The following CDK14 variants were observed in gnomAD, a reference collection of about 807,000 sequenced individuals.
CDK14 encodes the protein cyclin dependent kinase 14.
A neutral mutation model predicts 60.7 loss-of-function variants in CDK14; 34 were observed. The observed-to-expected ratio is 0.56, with a 90% CI of 0.43 to 0.75. The LOEUF is 0.75. Ranked by LOEUF, CDK14 falls within the 30% of genes least tolerant of loss-of-function variation. The probability of loss-of-function intolerance (pLI) is 0.00; values close to 1 mark genes in which losing one functional copy is unlikely to be tolerated. For synonymous variants in CDK14, 197 were observed against 203.7 expected, an observed-to-expected ratio of 0.97 and a Z score of 0.28; for missense variants, 482 against 564.1, an observed-to-expected ratio of 0.85 and a Z score of 1.47.
intron 10 of CDK14, among the ~76,000 whole-genome samples, chr7:91,037,417 A>G (rs1648560070): frequency 6.6e-6 from 1 of 152,100 alleles, no homozygotes; most frequent in Non-Finnish European, 1.5e-5. Flanking sequence ...GTGCATGTGT[A>G]TGTGTGCGCG....
At chr7:90,899,228 A>G in intron 6 of CDK14, 63 bp from the exon 7 acceptor site, 1 of 1,313,268 alleles carries the variant, frequency 7.6e-7, no homozygotes, top group African/African-American at 1.5e-5. Context: ...TGAAGTAGGA[A>G]AATATTGATT....
intron 2 of CDK14, among the ~76,000 whole-genome samples, chr7:90,703,647 A>T (rs1346271695): frequency 6.6e-6 from 1 of 152,210 alleles, no homozygotes; most frequent in Non-Finnish European, 1.5e-5. Context: ...ACAAATTATT[A>T]TCCAGGATAA....
At chr7:90,785,514 T>C (rs1805538775) in intron 4 of CDK14, among the ~76,000 whole-genome samples, 1 of 152,130 alleles carries the variant, frequency 6.6e-6, no homozygotes, top group Non-Finnish European at 1.5e-5. Flanking sequence ...ATAGGCTGTT[T>C]TCTTTATTGA....
chr7:90,718,609 T>G (rs1329906304), intron 2 of CDK14, among the ~76,000 whole-genome samples: 1 of 152,158 alleles, frequency 6.6e-6, no homozygotes, highest in African/African-American at 2.4e-5. Context: ...AGGCAAGATC[T>G]TGGTTCTCAT....
chr7:90,738,100 G>C (rs1435384960), intron 3 of CDK14, among the ~76,000 whole-genome samples: 1 of 148,890 alleles, frequency 6.7e-6, no homozygotes, highest in Non-Finnish European at 1.5e-5. Context: ...CTCTATGTGG[G>C]TGAGGGTTAG....
chr7:91,092,195 T>C (rs957792587), intron 12 of CDK14, among the ~76,000 whole-genome samples: 29 of 152,144 alleles, frequency 1.9e-4, no homozygotes, highest in African/African-American at 7.0e-4. Context: ...CAGCCAGATG[T>C]AGAGTTAAAG....
intron 3 of CDK14, among the ~76,000 whole-genome samples, chr7:90,731,298 C>T (rs1374656611): frequency 3.3e-5 from 5 of 152,144 alleles, no homozygotes; most frequent in African/African-American, 1.2e-4. Context: ...ATGCCTCCAG[C>T]TTTGTTCTTT....
intron 10 of CDK14, among the ~76,000 whole-genome samples, chr7:91,028,691 T>C (rs1338623966): frequency 1.3e-5 from 2 of 152,218 alleles, no homozygotes; most frequent in Non-Finnish European, 2.9e-5. Flanking sequence ...ATGTTGAGCA[T>C]TTTTTCATAT....
At chr7:90,863,084 T>C in intron 5 of CDK14, 91 bp from the exon 6 acceptor site, 2 of 608,590 alleles carry the variant, frequency 3.3e-6, no homozygotes, top group South Asian at 4.6e-5. Context: ...AATAGATATC[T>C]CTCATCTGAC....
chr7:90,634,832 G>T (rs1011053939), intron 2 of CDK14, among the ~76,000 whole-genome samples: 11 of 152,020 alleles, frequency 7.2e-5, no homozygotes, highest in African/African-American at 1.7e-4. Flanking sequence ...ATTCTAACTG[G>T]TGTGAGATGG....
intron 4 of CDK14, among the ~76,000 whole-genome samples, chr7:90,776,876 C>T (rs975225567): frequency 1.7e-4 from 26 of 152,060 alleles, no homozygotes; most frequent in East Asian, 1.9e-4. Flanking sequence ...TTACAGAAGA[C>T]GATAAATCTA....
At chr7:90,715,770 T>C (rs1802228134) in intron 2 of CDK14, among the ~76,000 whole-genome samples, 1 of 151,528 alleles carries the variant, frequency 6.6e-6, no homozygotes, top group Non-Finnish European at 1.5e-5. Flanking sequence ...TTCTATTTTG[T>C]AGAGAATAGG....
intron 8 of CDK14, among the ~76,000 whole-genome samples, chr7:90,941,596 A>T (rs1159671243): frequency 6.6e-6 from 1 of 151,930 alleles, no homozygotes; most frequent in East Asian, 1.9e-4. Context: ...CTACAGGTGC[A>T]TACTGCCAAA....
intron 4 of CDK14, among the ~76,000 whole-genome samples, chr7:90,757,596 CTTTT>C: frequency 7.0e-6 from 1 of 143,124 alleles, no homozygotes; most frequent in Admixed American, 7.1e-5. Flanking sequence ...TTGTGTAATT[CTTTT>C]TTTTTTTTTT....
intron 2 of CDK14, among the ~76,000 whole-genome samples, chr7:90,703,259 C>T (rs1186883835): frequency 6.6e-6 from 1 of 152,112 alleles, no homozygotes; most frequent in Non-Finnish European, 1.5e-5. Flanking sequence ...ATTCACATTT[C>T]TCAGATCATA....
At chr7:90,654,732 A>T (rs6957986) in intron 2 of CDK14, among the ~76,000 whole-genome samples, 1 of 152,110 alleles carries the variant, frequency 6.6e-6, no homozygotes, top group African/African-American at 2.4e-5. Flanking sequence ...CAGAGTTCCC[A>T]TGTTACTTCT....
At chr7:90,834,136 C>T (rs552363094) in intron 5 of CDK14, among the ~76,000 whole-genome samples, 18 of 152,226 alleles carry the variant, frequency 1.2e-4, no homozygotes, top group African/African-American at 3.9e-4. Context: ...ATTGTAAGGA[C>T]ATTTATTAAG....
chr7:91,092,840 A>C (rs1309656807), intron 12 of CDK14, among the ~76,000 whole-genome samples: 2 of 152,196 alleles, frequency 1.3e-5, no homozygotes, highest in Non-Finnish European at 2.9e-5. Context: ...TCACTCCTTA[A>C]ATTACACATT....
Position 91,208,747 on chromosome 7 carries a change from T to C in CDK14, c.*1611T>C, listed in dbSNP as rs1802978094. ...GAAACTGGATCCAGAATTCCTAAAC[T>C]TTAAAATGGTACTGTCTGCGGAGTG... On this transcript the variant is annotated 3_prime_UTR_variant, in exon 15 of 15. Coordinates refer to ENST00000380050, the MANE Select transcript of CDK14 (RefSeq NM_001287135.2). The C allele has an allele frequency of 6.6e-6, 1 of 152,506 alleles. No individual in the cohort carries two copies. Among genetic ancestry groups the C allele is most frequent in the East Asian group, 1.9e-4 (1 of 5,202 alleles). 9.4% of individuals were successfully genotyped at this position (152,506 alleles called of 1,614,324 possible). A position where few individuals can be genotyped will look rare whatever the true frequency, so the allele number is the denominator to read the frequency against.
Sources: gnomAD v4.1 joint callset for allele counts (sites outside exome capture counted in the v4.1 genomes callset) on GRCh38, gnomAD v4.1.1 for gene constraint, MANE v1.5 for transcripts, NCBI Gene and HGNC (gene_info 2026-07-23, HGNC 2026-07-21) for gene names.